Variants in UNC5D observed in about 807,000 individuals in gnomAD.
The protein encoded by UNC5D is unc-5 netrin receptor D, also known as netrin receptor UNC5D.
UNC5D carries 39 observed loss-of-function variants against 105.4 expected under a neutral mutation model. The ratio of observed to expected loss-of-function variants is 0.37; its 90% CI spans 0.29 to 0.48. The LOEUF (loss-of-function observed/expected upper bound fraction) is 0.48, where lower values mean the gene tolerates loss of function less well. Ranked by LOEUF, UNC5D falls within the 20% of genes least tolerant of loss-of-function variation. The pLI, the probability that UNC5D is intolerant of heterozygous loss-of-function variation, is 0.98. For missense variants in UNC5D, 991 were observed against 1,202.4 expected (o/e 0.82, Z 2.60); for synonymous variants, 452 against 450.4 (o/e 1.00, Z -0.04).
intron 1 of UNC5D, among the ~76,000 whole-genome samples, chr8:35,261,576 T>C (rs1196444016): frequency 6.6e-6 from 1 of 151,980 alleles, no homozygotes; most frequent in East Asian, 1.9e-4. Flanking sequence ...TGCTCATCTT[T>C]TGTGCTCTTC....
At chr8:35,323,639 A>G (rs1309537129) in intron 1 of UNC5D, among the ~76,000 whole-genome samples, 1 of 152,182 alleles carries the variant, frequency 6.6e-6, no homozygotes, top group African/African-American at 2.4e-5. Flanking sequence ...ATTTTTACAT[A>G]CTTTAATCCA....
intron 1 of UNC5D, among the ~76,000 whole-genome samples, chr8:35,320,309 A>G (rs759280047): frequency 1.3e-5 from 2 of 152,076 alleles, no homozygotes; most frequent in Non-Finnish European, 2.9e-5. Context: ...GAATCAGTAG[A>G]AGGGAGTGTC....
chr8:35,315,590 A>G lies in UNC5D; in HGVS notation c.103+79703A>G, dbSNP rs77944397. Reference sequence around the variant, plus strand: ...AGTCTCTGCTAACTCCTCTTTAGCCAGATCAAGTCACTTAGTTAACCCAGA... The same window carrying G: ...AGTCTCTGCTAACTCCTCTTTAGCCGGATCAAGTCACTTAGTTAACCCAGA... On this transcript the variant is annotated intron_variant, in intron 1 of 16. Coordinates refer to ENST00000404895, the MANE Select transcript of UNC5D (RefSeq NM_080872.4). Among the ~76,000 whole-genome samples, 390 of 152,318 alleles carry G rather than the reference A, an allele frequency of 2.6e-3. 13 individuals carry two copies. In the East Asian group the frequency reaches 0.065, roughly 25 times the overall value.
intron 4 of UNC5D, among the ~76,000 whole-genome samples, chr8:35,637,912 A>T (rs889879373): frequency 1.3e-5 from 2 of 152,158 alleles, no homozygotes; most frequent in Non-Finnish European, 2.9e-5. Context: ...GTGCCGGCCA[A>T]CATACAACAT....
intron 1 of UNC5D, among the ~76,000 whole-genome samples, chr8:35,392,775 A>C (rs568509124): frequency 6.6e-6 from 1 of 152,312 alleles, no homozygotes; most frequent in Non-Finnish European, 1.5e-5. Flanking sequence ...TTGGCCTATC[A>C]TATGGAAGAT....
chr8:35,296,612 G>T (rs939674859), intron 1 of UNC5D, among the ~76,000 whole-genome samples: 1 of 152,038 alleles, frequency 6.6e-6, no homozygotes, highest in African/African-American at 2.4e-5. Flanking sequence ...TACAGATGGG[G>T]GTCTCACCAT....
intron 1 of UNC5D, chr8:35,255,908 C>G (rs1479274777): frequency 1.3e-5 from 2 of 152,154 alleles, no homozygotes; most frequent in Non-Finnish European, 2.9e-5. Flanking sequence ...TAAACTGCAT[C>G]TGAAATAATT....
intron 1 of UNC5D, 99 bp from the exon 2 acceptor site, chr8:35,549,193 C>T: frequency 8.9e-7 from 1 of 1,117,374 alleles, no homozygotes; most frequent in Non-Finnish European, 1.3e-6. Context: ...GAATATTTCT[C>T]CAGCACAGAA....
chr8:35,472,191 TCC>T (rs1434031783), intron 1 of UNC5D, among the ~76,000 whole-genome samples: 2 of 152,200 alleles, frequency 1.3e-5, no homozygotes, highest in South Asian at 2.1e-4. Flanking sequence ...CACTTATTAT[TCC>T]CATAGGTAGG....
chr8:35,600,268 C>T (rs1265632716), intron 4 of UNC5D, among the ~76,000 whole-genome samples: 1 of 152,072 alleles, frequency 6.6e-6, no homozygotes. Flanking sequence ...AACATACGTG[C>T]ACATGTGTCT....
intron 11 of UNC5D, among the ~76,000 whole-genome samples, chr8:35,746,253 G>C (rs1830002268): frequency 6.6e-6 from 1 of 152,174 alleles, no homozygotes; most frequent in African/African-American, 2.4e-5. Flanking sequence ...GTGACCTTAT[G>C]CTGTTAACAC....
Position 35,655,672 on chromosome 8 carries a change from A to C in UNC5D, c.571-27875A>C, listed in dbSNP as rs77749364. On this transcript the variant is annotated intron_variant, in intron 4 of 16. Coordinates refer to ENST00000404895, the MANE Select transcript of UNC5D (RefSeq NM_080872.4). The stretch of plus-strand genomic sequence containing the variant: ...TATAAGATTGAAGACACTAAGTCTT[A>C]GATGTATGGTATAGACAGCAAATGT... 7.2e-3 allele frequency among the ~76,000 whole-genome samples: 1,099 copies of C among 152,342 alleles called. 22 individuals are homozygous for C. Among genetic ancestry groups the C allele is most frequent in the African/African-American group, 0.024 (1,012 of 41,578 alleles).
chr8:35,735,331 GACAA>G (rs1829411535), intron 11 of UNC5D, among the ~76,000 whole-genome samples: 1 of 149,572 alleles, frequency 6.7e-6, no homozygotes, highest in African/African-American at 2.5e-5. Context: ...TGAAACCAAA[GACAA>G]ACATTCATTT....
intron 1 of UNC5D, among the ~76,000 whole-genome samples, chr8:35,387,120 G>A (rs1026632352): frequency 5.3e-5 from 8 of 151,786 alleles, no homozygotes; most frequent in African/African-American, 1.9e-4. Flanking sequence ...CAGCACTTTG[G>A]GAGGCCGAGG....
intron 3 of UNC5D, among the ~76,000 whole-genome samples, chr8:35,581,315 A>G (rs1818457674): frequency 6.6e-6 from 1 of 151,988 alleles, no homozygotes; most frequent in Admixed American, 6.6e-5. Flanking sequence ...CTATATTCTG[A>G]TCATGCTCAG....
chr8:35,662,925 A>C (rs2131240241), intron 4 of UNC5D, among the ~76,000 whole-genome samples: 1 of 152,262 alleles, frequency 6.6e-6, no homozygotes, highest in South Asian at 2.1e-4. Flanking sequence ...TAGGAGCGCA[A>C]ACTCTCTTGT....
At chr8:35,414,543 C>T (rs112690863) in intron 1 of UNC5D, among the ~76,000 whole-genome samples, 2 of 138,368 alleles carry the variant, frequency 1.4e-5, no homozygotes, top group Non-Finnish European at 3.2e-5. Flanking sequence ...AAACTAGGAT[C>T]TATATAATGA....
At chr8:35,666,995 C>T (rs1824466825) in intron 4 of UNC5D, among the ~76,000 whole-genome samples, 1 of 152,020 alleles carries the variant, frequency 6.6e-6, no homozygotes, top group Non-Finnish European at 1.5e-5. Context: ...TGAGACTTAG[C>T]CTGCTAGCCA....
chr8:35,667,747 A>G (rs1345882923), intron 4 of UNC5D, among the ~76,000 whole-genome samples: 1 of 152,188 alleles, frequency 6.6e-6, no homozygotes, highest in East Asian at 1.9e-4. Context: ...ATGCTCAAGA[A>G]TGTCCCGTGG....
Sources: allele counts gnomAD v4.1 joint callset (sites outside exome capture counted in the v4.1 genomes callset), GRCh38; gene constraint gnomAD v4.1.1; transcripts MANE v1.5; gene names NCBI Gene and HGNC (gene_info 2026-07-23, HGNC 2026-07-21).